Variants in IL11RA observed in about 807,000 individuals in gnomAD.
IL11RA encodes interleukin-11 receptor subunit alpha.
A neutral mutation model predicts 57.0 loss-of-function variants in IL11RA; 51 were observed. The observed-to-expected ratio is 0.89, with a 90% CI of 0.71 to 1.13. The LOEUF is 1.13. Ranked by LOEUF, IL11RA falls within the 50% of genes most tolerant of loss-of-function variation. The pLI is 0.00. For missense variants in IL11RA, 498 were observed against 539.4 expected (o/e 0.92, Z 0.76); for synonymous variants, 199 against 217.5 (o/e 0.91, Z 0.75).
rs777053196 is a variant in IL11RA, at chr9:34,660,360, A to C, written c.1039A>C (p.Arg347=). Residue 347 remains arginine (R), a synonymous_variant, in exon 10 of 13, where the codon AGG becomes CGG. Transcript: ENST00000441545. ...EPQVDSPAPP[R]PSLQPHPRLL... ...TCAGGTGGACAGCCCTGCTCCTCCAAGGCCCTCCCTCCAACCACACCCTCG... is the reference window on the plus strand; with the variant it reads ...TCAGGTGGACAGCCCTGCTCCTCCACGGCCCTCCCTCCAACCACACCCTCG... 6.8e-6 allele frequency: 11 copies of C among 1,614,044 alleles called. No homozygotes were observed. The highest frequency in any genetic ancestry group is 8.5e-6 in the Non-Finnish European group (10 of 1,180,010).
intron 7 of IL11RA, 98 bp downstream of exon 7, chr9:34,657,685 C>T (rs1199131651): frequency 2.2e-5 from 26 of 1,201,622 alleles, no homozygotes; most frequent in Non-Finnish European, 2.9e-5. Context: ...TCCTCCCAAC[C>T]TAGACTCCAT....
chr9:34,655,730 A>T lies in IL11RA; in HGVS notation c.161+65A>T. 6 of 1,412,056 alleles carry T rather than the reference A, an allele frequency of 4.2e-6. No individual in the cohort carries two copies. In the South Asian group the frequency reaches 7.0e-5, roughly 16 times the overall value. The allele number at this position is 1,412,056 out of a possible 1,614,324, so 87.5% of individuals were successfully genotyped here. The stretch of plus-strand genomic sequence containing the variant: ...CCTTTCTTGACTCTGCCTAGTCCTC[A>T]TGTCCCGCCCCTCCCATCCTTGCCC... On this transcript the variant is annotated intron_variant, in intron 3 of 12. Transcript: ENST00000441545.
intron 7 of IL11RA, 73 bp downstream of exon 7, chr9:34,657,660 C>T: frequency 7.0e-7 from 1 of 1,432,204 alleles, no homozygotes; most frequent in Non-Finnish European, 9.7e-7. Context: ...CTCTCCACTC[C>T]CAGAGTTCCC....
rs533197055 is a variant in IL11RA at position 34,657,557 on chromosome 9, C to T, written c.616C>T (p.Arg206Cys). 2.2e-5 allele frequency: 35 copies of T among 1,614,174 alleles called. No homozygotes were observed. The Admixed American group carries it at 2.3e-4, about 11-fold the overall frequency. Residue 206 changes from arginine (R) to cysteine (C), a missense_variant, in exon 7 of 13, where the codon CGC becomes TGC. Physicochemically the swap from Arg to Cys is radical, Grantham distance 180. Transcript: ENST00000441545. Reference protein sequence around the residue: ...TEVNPLGASTRLLDVSLQSIL... With the variant: ...TEVNPLGASTCLLDVSLQSIL... Reference sequence around the variant, plus strand: ...GGTGAACCCACTGGGTGCCAGCACACGCCTGCTGGATGTGAGCTTGCAGAG... The same window carrying T: ...GGTGAACCCACTGGGTGCCAGCACATGCCTGCTGGATGTGAGCTTGCAGAG...
At chr9:34,657,397 C>T in intron 6 of IL11RA, 24 bp from the exon 7 acceptor site, 3 of 1,614,182 alleles carry the variant, frequency 1.9e-6, no homozygotes, top group Non-Finnish European at 2.5e-6. Context: ...TTTTCAAAGC[C>T]AAAGACCACA....
At position 34,659,881 on chromosome 9, in the gene IL11RA, C is replaced by G; in HGVS notation, c.933C>G (p.Ala311=). ...AGTWSTWSPE[A]WGTPSTGTIP... ...CCTGGAGCACCTGGAGCCCGGAGGC[C>G]TGGGGAACTCCGAGCACTGGTGAGA... Residue 311 remains alanine, a synonymous_variant, in exon 9 of 13, where the codon GCC becomes GCG. Transcript: ENST00000441545. The G allele has an allele frequency of 6.2e-7, 1 of 1,614,172 alleles. No individual in the cohort carries two copies. The highest frequency in any genetic ancestry group is 1.1e-5 in the South Asian group (1 of 91,086).
At chr9:34,659,356 A>G (rs1821407632) in intron 8 of IL11RA, among the ~76,000 whole-genome samples, 1 of 152,226 alleles carries the variant, frequency 6.6e-6, no homozygotes, top group Non-Finnish European at 1.5e-5. Flanking sequence ...TATCAGGACT[A>G]GGGAGCAGCA....
At chr9:34,659,727 G>A (rs768469378) in intron 8 of IL11RA, 32 bp from the exon 9 acceptor site, 2 of 1,613,732 alleles carry the variant, frequency 1.2e-6, no homozygotes, top group Admixed American at 3.3e-5. Flanking sequence ...GCACTTACAA[G>A]CTGGGTAACA....
At position 34,661,817 on chromosome 9, in the gene IL11RA, C is replaced by A; in HGVS notation, c.*319C>A. 1 of 1,089,848 alleles carries A rather than the reference C, an allele frequency of 9.2e-7. No homozygotes were observed. Among genetic ancestry groups the A allele is most frequent in the Non-Finnish European group, 1.4e-6 (1 of 739,626 alleles). 67.5% of individuals were successfully genotyped at this position (1,089,848 alleles called of 1,614,324 possible). On this transcript the variant is annotated 3_prime_UTR_variant, in exon 13 of 13. Transcript: ENST00000441545. ...AGGTGCCTGGGGAGTGTGTGTGGGTCCTTGGCTCTTGGCCTTTCCCCTTGC... is the reference window on the plus strand; with the variant it reads ...AGGTGCCTGGGGAGTGTGTGTGGGTACTTGGCTCTTGGCCTTTCCCCTTGC...
chr9:34,656,981 G>C (rs761400983), intron 4 of IL11RA, 54 bp from the exon 5 acceptor site: 77 of 1,609,968 alleles, frequency 4.8e-5, no homozygotes, highest in Non-Finnish European at 5.4e-5. Flanking sequence ...AAGCCCTCTG[G>C]GACCAGGAGG....
chr9:34,655,795 G>A (rs1438201198), intron 3 of IL11RA, 130 bp downstream of exon 3: 13 of 789,284 alleles, frequency 1.6e-5, no homozygotes, highest in East Asian at 1.6e-4. Context: ...TGTCCTAACC[G>A]TCTAACTATC....
rs1333037495 is a variant in IL11RA, at chr9:34,657,560, C to G, written c.619C>G (p.Leu207Val). 1 of 1,614,166 alleles carries G rather than the reference C, an allele frequency of 6.2e-7. No individual in the cohort carries two copies. Among genetic ancestry groups the G allele is most frequent in the South Asian group, 1.1e-5 (1 of 91,084 alleles). Residue 207 changes from leucine (L) to valine (V), a missense_variant, in exon 7 of 13, where the codon CTG (leucine) becomes GTG (valine). Transcript: ENST00000441545. Reference sequence around the variant, plus strand: ...GAACCCACTGGGTGCCAGCACACGCCTGCTGGATGTGAGCTTGCAGAGCAT... The same window carrying G: ...GAACCCACTGGGTGCCAGCACACGCGTGCTGGATGTGAGCTTGCAGAGCAT... ...EVNPLGASTR[L>V]LDVSLQSILR... is the part of the protein sequence containing the mutation.
In IL11RA at chr9:34,660,883, G is replaced by T. The variant is rs772255339; in HGVS notation, c.1199G>T (p.Gly400Val). 1 of 1,614,148 alleles carries T rather than the reference G, an allele frequency of 6.2e-7. No individual in the cohort carries two copies. The highest frequency in any genetic ancestry group is 8.5e-7 in the Non-Finnish European group (1 of 1,180,022). ...AGGCTGAGACGGGGTGGGAAGGATG[G>T]ATCCCCAAAGCCTGGGTTCTTGGCC... ...WLRLRRGGKDGSPKPGFLASV... is the reference protein window; with the variant it reads ...WLRLRRGGKDVSPKPGFLASV... Residue 400 changes from glycine (G) to valine (V), a missense_variant, in exon 12 of 13, where the codon GGA becomes GTA. Transcript: ENST00000441545.
Position 34,660,918 on chromosome 9 carries a change from C to G in IL11RA, c.1234C>G (p.Pro412Ala). The stretch of plus-strand genomic sequence containing the variant: ...GCCTGGGTTCTTGGCCTCAGTGATT[C>G]CAGTGGACAGGCGTCCAGGTGAGTA... Reference protein sequence around the residue: ...PKPGFLASVIPVDRRPGAPNL With the variant: ...PKPGFLASVIAVDRRPGAPNL The change falls in exon 12 of 13, where the codon CCA becomes GCA. Residue 412 changes from proline to alanine, a missense_variant. By Grantham distance (27) the Pro-to-Ala change is conservative. Transcript: ENST00000441545. 6.2e-7 allele frequency: 1 copy of G among 1,613,918 alleles called. No homozygotes were observed. Among genetic ancestry groups the G allele is most frequent in the Non-Finnish European group, 8.5e-7 (1 of 1,179,836 alleles).
intron 10 of IL11RA, 23 bp downstream of exon 10, chr9:34,660,416 G>A (rs1029399540): frequency 1.2e-6 from 2 of 1,613,844 alleles, no homozygotes; most frequent in African/African-American, 2.7e-5. Flanking sequence ...AGATGGGCAA[G>A]ACTTGTAAAG....
chr9:34,659,014 T>A (rs1257971210), intron 8 of IL11RA, among the ~76,000 whole-genome samples: 1 of 152,068 alleles, frequency 6.6e-6, no homozygotes, highest in Admixed American at 6.5e-5. Flanking sequence ...AACCTCCACC[T>A]CCTGGGTTCA....
At chr9:34,661,413 C>T in intron 12 of IL11RA, 69 bp from the exon 13 acceptor site, 2 of 1,548,542 alleles carry the variant, frequency 1.3e-6, no homozygotes, top group Admixed American at 1.7e-5. Context: ...TCACCTCCCT[C>T]ATTCTCAGGG....
Position 34,655,663 on chromosome 9 carries a change from C to T in IL11RA, c.159C>T (p.Ala53=), listed in dbSNP as rs571523950. 2.2e-4 allele frequency: 361 copies of T among 1,613,932 alleles called. 1 individual carries two copies. The Middle Eastern group carries it at 3.1e-3, about 14-fold the overall frequency. Residue 53 remains alanine, a splice_region_variant and synonymous_variant, in exon 3 of 13, where the codon GCC becomes GCT. Coordinates refer to ENST00000441545, the MANE Select transcript of IL11RA (RefSeq NM_001142784.3). ...AGCTGTGTTGTCCTGGAGTGACTGC[C>T]GGGTAAGTGCCCCACCTGCCTGTTG... is the stretch of plus-strand genomic sequence containing the variant. ...SVKLCCPGVT[A]GDPVSWFRDG...
In IL11RA at chr9:34,653,058, T is replaced by C. The variant is rs142351755; in HGVS notation, c.-1+825T>C. Among the ~76,000 whole-genome samples the C allele has an allele frequency of 1.3e-3, 203 of 152,304 alleles. No homozygotes were observed. The highest frequency in any genetic ancestry group is 4.7e-3 in the African/African-American group (195 of 41,560). On this transcript the variant is annotated intron_variant, in intron 1 of 12. Coordinates refer to ENST00000441545, the MANE Select transcript of IL11RA (RefSeq NM_001142784.3). This position sits in a 1 kb window ranked among gnomAD's most constrained non-coding sequence, Gnocchi z 4.5. ...TCTCTCTGTGCCCCTATGCCTGCCT[T>C]CCCTGCTGATCTTGATCTCTGGCTA...
Sources: allele counts gnomAD v4.1 joint callset (sites outside exome capture counted in the v4.1 genomes callset), GRCh38; gene constraint gnomAD v4.1.1; non-coding constraint Gnocchi (gnomAD v3.1); transcripts MANE v1.5; gene names NCBI Gene and HGNC (gene_info 2026-07-23, HGNC 2026-07-21).